Variants in EIPR1 observed in about 807,000 individuals in gnomAD.
EIPR1 encodes EARP and GARP complex-interacting protein 1.
In EIPR1, 25 loss-of-function variants were observed where a neutral mutation model predicts 48.1. That is an observed-to-expected ratio of 0.52 (90% CI 0.38 to 0.73). The LOEUF (loss-of-function observed/expected upper bound fraction) is 0.73. EIPR1 is among the 30% of genes least tolerant of loss of function. The probability of loss-of-function intolerance (pLI) is 0.00; values close to 1 mark genes in which losing one functional copy is unlikely to be tolerated. For synonymous variants in EIPR1, 204 were observed against 201.9 expected (o/e 1.01, Z -0.09); for missense variants, 415 against 506.2 (o/e 0.82, Z 1.73).
At chr2:3,227,414 T>C (rs1341493140) in intron 4 of EIPR1, among the ~76,000 whole-genome samples, 2 of 152,178 alleles carry the variant, frequency 1.3e-5, no homozygotes, top group Non-Finnish European at 2.9e-5. Flanking sequence ...CTGTGGAACT[T>C]TGAACTCGAG....
chr2:3,192,626 G>A (rs762768521), intron 7 of EIPR1, 45 bp from the exon 8 acceptor site: 20 of 1,595,698 alleles, frequency 1.3e-5, no homozygotes, highest in Non-Finnish European at 1.5e-5. Flanking sequence ...TCACCCGCAG[G>A]CAACACCAAC....
At chr2:3,296,102 C>G (rs1668577040) in intron 3 of EIPR1, among the ~76,000 whole-genome samples, 1 of 139,882 alleles carries the variant, frequency 7.1e-6, no homozygotes, top group African/African-American at 2.7e-5. Flanking sequence ...AGCCCATCCT[C>G]TCTACACACA....
chr2:3,297,593 C>CT (rs1372102558), intron 3 of EIPR1, among the ~76,000 whole-genome samples: 1 of 152,226 alleles, frequency 6.6e-6, no homozygotes, highest in African/African-American at 2.4e-5. Flanking sequence ...GGACGGCAAA[C>CT]TTTTTCTGTA....
chr2:3,317,533 G>A (rs377118576), intron 3 of EIPR1, among the ~76,000 whole-genome samples: 1 of 152,258 alleles, frequency 6.6e-6, no homozygotes, highest in Non-Finnish European at 1.5e-5. Context: ...CTGACAGGCA[G>A]GTGACCTCGC....
chr2:3,191,262 G>A (rs531134178), intron 8 of EIPR1, among the ~76,000 whole-genome samples: 45 of 117,778 alleles, frequency 3.8e-4, no homozygotes, highest in African/African-American at 1.4e-3. Flanking sequence ...TGCAGAGAGG[G>A]TCTGAAGACA....
chr2:3,204,680 T>C (rs1009038438), intron 5 of EIPR1, among the ~76,000 whole-genome samples: 6 of 152,238 alleles, frequency 3.9e-5, no homozygotes, highest in Non-Finnish European at 5.9e-5. Context: ...GCATCGTCTT[T>C]AGCAGTTCAT....
At chr2:3,233,340 C>A (rs1028424185) in intron 4 of EIPR1, among the ~76,000 whole-genome samples, 1 of 152,174 alleles carries the variant, frequency 6.6e-6, no homozygotes, top group Non-Finnish European at 1.5e-5. Flanking sequence ...ATGTATGCCA[C>A]TTCAGTTGTT....
At chr2:3,267,557 C>A (rs1195304103) in intron 3 of EIPR1, among the ~76,000 whole-genome samples, 1 of 152,208 alleles carries the variant, frequency 6.6e-6, no homozygotes, top group Non-Finnish European at 1.5e-5. Flanking sequence ...AGAATGCAGG[C>A]CCTGGCTTCT....
chr2:3,215,979 A>G (rs1665617209), intron 4 of EIPR1, among the ~76,000 whole-genome samples: 1 of 152,244 alleles, frequency 6.6e-6, no homozygotes, highest in African/African-American at 2.4e-5. Context: ...AAAACTCTAA[A>G]GCTAGGATGC....
intron 3 of EIPR1, among the ~76,000 whole-genome samples, chr2:3,303,556 CAG>C (rs1439696531): frequency 6.6e-6 from 1 of 152,252 alleles, no homozygotes; most frequent in African/African-American, 2.4e-5. Flanking sequence ...CTCAGGCCAG[CAG>C]AGTCGGGTCA....
chr2:3,197,492 A>G (rs1470000696), intron 5 of EIPR1, among the ~76,000 whole-genome samples: 1 of 152,158 alleles, frequency 6.6e-6, no homozygotes, highest in Non-Finnish European at 1.5e-5. Context: ...TTCGCCTGGC[A>G]TTTAATCAGA....
chr2:3,256,958 G>A (rs1667175007), intron 4 of EIPR1, among the ~76,000 whole-genome samples: 1 of 152,204 alleles, frequency 6.6e-6, no homozygotes, highest in African/African-American at 2.4e-5. Flanking sequence ...ATTGCCATGT[G>A]AGTGTGAATA....
intron 3 of EIPR1, among the ~76,000 whole-genome samples, chr2:3,314,658 C>T (rs1026028470): frequency 6.6e-6 from 1 of 151,940 alleles, no homozygotes; most frequent in African/African-American, 2.4e-5. Context: ...TGTGTCCCCT[C>T]CCAATCCCCC....
chr2:3,313,795 G>A (rs1472191289), intron 3 of EIPR1, among the ~76,000 whole-genome samples: 1 of 152,198 alleles, frequency 6.6e-6, no homozygotes, highest in African/African-American at 2.4e-5. Context: ...AGAAACTCAA[G>A]GCCCAAGCTG....
intron 3 of EIPR1, among the ~76,000 whole-genome samples, chr2:3,309,338 C>A (rs1220246244): frequency 6.6e-6 from 1 of 152,130 alleles, no homozygotes; most frequent in Non-Finnish European, 1.5e-5. Flanking sequence ...CAAAGCACCT[C>A]TACAGAGTTG....
intron 3 of EIPR1, among the ~76,000 whole-genome samples, chr2:3,267,216 GGAC>G (rs1226427891): frequency 6.6e-6 from 1 of 152,242 alleles, no homozygotes; most frequent in Non-Finnish European, 1.5e-5. Context: ...AGCACTGGCA[GGAC>G]GACCACAGAG....
chr2:3,366,681 A>C (rs1670980242), intron 1 of EIPR1, among the ~76,000 whole-genome samples: 1 of 152,262 alleles, frequency 6.6e-6, no homozygotes, highest in South Asian at 2.1e-4. Context: ...CTGCAAATAA[A>C]AAAAGACCAA....
At chr2:3,343,449 A>G (rs1370404659) in intron 2 of EIPR1, among the ~76,000 whole-genome samples, 2 of 152,190 alleles carry the variant, frequency 1.3e-5, no homozygotes, top group East Asian at 1.9e-4. Flanking sequence ...CCAGCTAGGC[A>G]GGTCTGCAAA....
rs564901190 is a variant in EIPR1, at chr2:3,203,833, C to T, written c.517-6816G>A. ...GGGCCACACGGCCAGGAGCTGAGGG[C>T]GGCCTCTGGCCAACAGCTGGAGGAA... On this transcript the variant is annotated intron_variant, in intron 5 of 8. Coordinates refer to ENST00000382125, the MANE Select transcript of EIPR1 (RefSeq NM_003310.5). Among the ~76,000 whole-genome samples, 7 of 152,346 alleles carry T rather than the reference C, an allele frequency of 4.6e-5. No individual in the cohort carries two copies. In the South Asian group the frequency reaches 1.0e-3, roughly 23 times the overall value.
Sources: gnomAD v4.1 joint callset for allele counts (sites outside exome capture counted in the v4.1 genomes callset) on GRCh38, gnomAD v4.1.1 for gene constraint, MANE v1.5 for transcripts, NCBI Gene and HGNC (gene_info 2026-07-23, HGNC 2026-07-21) for gene names.